DSTYK: variants seen among roughly 807,000 people sequenced by gnomAD.
DSTYK encodes dual serine/threonine and tyrosine protein kinase, also known as RIP-homologous kinase.
A neutral mutation model predicts 98.7 loss-of-function variants in DSTYK; 34 were observed. The observed-to-expected ratio is 0.34, with a 90% CI of 0.26 to 0.46. The LOEUF (loss-of-function observed/expected upper bound fraction) is 0.46. DSTYK is among the 20% of genes least tolerant of loss of function. The pLI is 1.00. For missense variants in DSTYK, 962 were observed against 1,181.7 expected (o/e 0.81, Z 2.73); for synonymous variants, 462 against 457.3 (o/e 1.01, Z -0.13).
intron 10 of DSTYK, among the ~76,000 whole-genome samples, chr1:205,153,523 A>G (rs1657461806): frequency 6.6e-6 from 1 of 152,222 alleles, no homozygotes; most frequent in African/African-American, 2.4e-5. Context: ...AACATACCAT[A>G]TTTAGGGCAA....
rs752652454 is a variant in DSTYK, at chr1:205,163,893, G to T, written c.1387C>A (p.Gln463Lys). 55 of 1,614,006 alleles carry T rather than the reference G, an allele frequency of 3.4e-5. No homozygotes were observed. In the Admixed American group the frequency reaches 9.2e-4, roughly 27 times the overall value. Reference protein sequence around the residue: ...GTREIKCCIRQIQELIISRLN... With the variant: ...GTREIKCCIRKIQELIISRLN... ...CGGGAGATGATGAGTTCCTGGATCT[G>T]TCGGATGCAGCATTTGATCTCTCTG... is the stretch of plus-strand genomic sequence containing the variant. The change falls in exon 4 of 13, where the codon CAG becomes AAG. Residue 463 changes from glutamine to lysine, a missense_variant. Transcript: ENST00000367162.
chr1:205,169,156 G>A lies in DSTYK; in HGVS notation c.1324+7C>T, dbSNP rs1016604805. 1 of 1,581,442 alleles carries A rather than the reference G, an allele frequency of 6.3e-7. No individual in the cohort carries two copies. The highest frequency in any genetic ancestry group is 8.6e-7 in the Non-Finnish European group (1 of 1,163,752). On this transcript the variant is annotated splice_region_variant and intron_variant, in intron 3 of 12. Transcript: ENST00000367162. This position sits in a 1 kb window ranked among gnomAD's most constrained non-coding sequence, Gnocchi z 4.0. ...GCCAGCACCCCAACAAGCTCTCTGG[G>A]ACCTACCTTTAAACTCCATGTTAGT...
chr1:205,176,476 T>TAAAAAAAAA lies in DSTYK; in HGVS notation c.655-6653_655-6645dup, dbSNP rs61291677. Among the ~76,000 whole-genome samples the TAAAAAAAAA allele has an allele frequency of 1.0e-3, 43 of 43,202 alleles. 1 individual carries two copies. Among genetic ancestry groups the TAAAAAAAAA allele is most frequent in the South Asian group, 1.6e-3 (1 of 610 alleles). 28.3% of individuals were successfully genotyped at this position (43,202 alleles called of 152,430 possible). A position where few individuals can be genotyped will look rare whatever the true frequency, so the allele number is the denominator to read the frequency against. ...GGGCAACAAGAGTGAAACTCCCTCTTAAAAAAAAAAAAAAAAAAAAAAAAA... is the reference window on the plus strand; with the variant it reads ...GGGCAACAAGAGTGAAACTCCCTCTTAAAAAAAAAAAAAAAAAAAAAAAAAAAAAAAAAA... On this transcript the variant is annotated intron_variant, in intron 2 of 12. Transcript: ENST00000367162.
At position 205,211,495 on chromosome 1, in the gene DSTYK, G is replaced by GA. The variant is rs1482893498; in HGVS notation, c.40dup (p.Ser14PhefsTer86). 1 of 1,578,214 alleles carries GA rather than the reference G, an allele frequency of 6.3e-7. No individual in the cohort carries two copies. The highest frequency in any genetic ancestry group is 1.7e-5 in the Admixed American group (1 of 57,666). The stretch of plus-strand genomic sequence containing the variant: ...TCCGCCGCCGCCGGGGCCGGGACCC[G>GA]AGACGGGCTCGCTGCCCCATGGCAC... On this transcript the variant is annotated frameshift_variant, in exon 1 of 13. Transcript: ENST00000367162. LOFTEE classifies it high-confidence loss of function.
At chr1:205,187,336 C>A in intron 2 of DSTYK, 82 bp downstream of exon 2, 5 of 1,452,356 alleles carry the variant, frequency 3.4e-6, no homozygotes, top group Non-Finnish European at 4.6e-6. Context: ...TATATATCAT[C>A]GAATTACTTT....
chr1:205,161,157 A>T, intron 7 of DSTYK, 101 bp downstream of exon 7: 1 of 1,463,894 alleles, frequency 6.8e-7, no homozygotes, highest in East Asian at 2.3e-5. Flanking sequence ...GCAGCTTTGC[A>T]AAGAAGCAGC....
chr1:205,148,780 TGAA>T (rs1657318525), intron 11 of DSTYK, among the ~76,000 whole-genome samples: 1 of 151,844 alleles, frequency 6.6e-6, no homozygotes, highest in Admixed American at 6.6e-5. Context: ...GGAGGTGACA[TGAA>T]GAATATAATA....
At chr1:205,153,244 A>G (rs2102383772) in intron 10 of DSTYK, among the ~76,000 whole-genome samples, 1 of 152,272 alleles carries the variant, frequency 6.6e-6, no homozygotes, top group Non-Finnish European at 1.5e-5. Context: ...AAACAACTTA[A>G]TGATATGCCA....
At chr1:205,204,163 C>T (rs1558628428) in intron 1 of DSTYK, among the ~76,000 whole-genome samples, 1 of 152,150 alleles carries the variant, frequency 6.6e-6, no homozygotes, top group Admixed American at 6.5e-5. Context: ...TATACTCATT[C>T]AATCAGATAG....
Position 205,169,908 on chromosome 1 carries a change from A to T in DSTYK, c.655-76T>A. 2.9e-6 allele frequency: 4 copies of T among 1,390,176 alleles called. No individual in the cohort carries two copies. In the South Asian group the frequency reaches 5.5e-5, roughly 19 times the overall value. 86.1% of individuals were successfully genotyped at this position (1,390,176 alleles called of 1,614,324 possible). A position where few individuals can be genotyped will look rare whatever the true frequency, so the allele number is the denominator to read the frequency against. On this transcript the variant is annotated intron_variant, in intron 2 of 12. Transcript: ENST00000367162. The surrounding 1 kb of genome is among the most constrained non-coding windows in gnomAD (Gnocchi z 4.0). ...CCTGTCTCCCCAAAGTCCCACACTG[A>T]GACCAAAATCCTGATCTACAATGGA... is the stretch of plus-strand genomic sequence containing the variant.
Position 205,144,635 on chromosome 1 carries a change from C to G in DSTYK, c.*2923G>C, listed in dbSNP as rs1657170163. On this transcript the variant is annotated 3_prime_UTR_variant, in exon 13 of 13. Transcript: ENST00000367162. ...AGCCTGCTGAGTATTTAAATAACAT[C>G]CCCAAATATCCATATGTGGACTTTG... The G allele has an allele frequency of 6.6e-6, 1 of 152,530 alleles. No individual in the cohort carries two copies. Among genetic ancestry groups the G allele is most frequent in the Non-Finnish European group, 1.5e-5 (1 of 68,032 alleles). 9.4% of individuals were successfully genotyped at this position (152,530 alleles called of 1,614,324 possible).
chr1:205,175,140 T>C (rs1474890085), intron 2 of DSTYK, among the ~76,000 whole-genome samples: 4 of 151,088 alleles, frequency 2.6e-5, no homozygotes, highest in Non-Finnish European at 5.9e-5. Context: ...CTCGCTCTGT[T>C]GCCCAGGCTG....
chr1:205,148,385 G>T, intron 11 of DSTYK, 46 bp from the exon 12 acceptor site: 1 of 1,604,660 alleles, frequency 6.2e-7, no homozygotes, highest in Non-Finnish European at 8.5e-7. Context: ...AGAGAGTCAG[G>T]CAGCAGCATC....
chr1:205,152,242 A>T (rs1429088620), intron 10 of DSTYK, among the ~76,000 whole-genome samples: 2 of 152,186 alleles, frequency 1.3e-5, no homozygotes, highest in Non-Finnish European at 2.9e-5. Context: ...CAATGGCATG[A>T]TCTCGGCTCA....
chr1:205,176,820 C>CT (rs1658248171), intron 2 of DSTYK, among the ~76,000 whole-genome samples: 1 of 152,136 alleles, frequency 6.6e-6, no homozygotes, highest in Admixed American at 6.5e-5. Flanking sequence ...AATACTGACT[C>CT]TTATAGGTGA....
At position 205,203,578 on chromosome 1, in the gene DSTYK, GGGGAGGGGAA is replaced by G. The variant is rs1215043507; in HGVS notation, c.265+7683_265+7692del. Among the ~76,000 whole-genome samples the G allele has an allele frequency of 1.3e-3, 118 of 93,860 alleles. 2 individuals carry two copies. Among genetic ancestry groups the G allele is most frequent in the African/African-American group, 5.3e-3 (110 of 20,730 alleles). 61.6% of individuals were successfully genotyped at this position (93,860 alleles called of 152,430 possible). Reference sequence around the variant, plus strand: ...GGGGAGGGGAGGGGAGGGGAGGGGAGGGGAGGGGAAGGGAGGGGGCAGAATTTCCCAATGT... The same window carrying G: ...GGGGAGGGGAGGGGAGGGGAGGGGAGGGGAGGGGGCAGAATTTCCCAATGT... On this transcript the variant is annotated intron_variant, in intron 1 of 12. Coordinates refer to ENST00000367162, the MANE Select transcript of DSTYK (RefSeq NM_015375.3).
At chr1:205,183,433 G>T (rs1365764534) in intron 2 of DSTYK, among the ~76,000 whole-genome samples, 1 of 152,218 alleles carries the variant, frequency 6.6e-6, no homozygotes, top group Non-Finnish European at 1.5e-5. Flanking sequence ...GTGGGTCCAT[G>T]TGAGTTGGCC....
At chr1:205,188,644 T>C (rs1288964056) in intron 1 of DSTYK, among the ~76,000 whole-genome samples, 1 of 152,250 alleles carries the variant, frequency 6.6e-6, no homozygotes, top group Non-Finnish European at 1.5e-5. Flanking sequence ...TTTTAGCTTA[T>C]GTTCTTCATT....
At chr1:205,200,982 T>C (rs1436306970) in intron 1 of DSTYK, among the ~76,000 whole-genome samples, 1 of 152,114 alleles carries the variant, frequency 6.6e-6, no homozygotes, top group East Asian at 1.9e-4. Context: ...CTTGGCTCAC[T>C]GCAACCTCCG....
Sources: allele counts gnomAD v4.1 joint callset (sites outside exome capture counted in the v4.1 genomes callset), GRCh38; gene constraint gnomAD v4.1.1; non-coding constraint Gnocchi (gnomAD v3.1); transcripts MANE v1.5; gene names NCBI Gene and HGNC (gene_info 2026-07-23, HGNC 2026-07-21).